The following CDYL2 variants were observed in gnomAD, a reference collection of about 807,000 sequenced individuals.
The protein encoded by CDYL2 is chromodomain Y like 2.
Under a neutral mutation model 49.4 loss-of-function variants are expected in CDYL2, and 23 were observed. That is an observed-to-expected ratio of 0.47 (90% CI 0.34 to 0.66). CDYL2 has a LOEUF of 0.66. CDYL2 is among the 30% of genes least tolerant of loss of function. CDYL2 has a pLI of 0.01. For missense variants in CDYL2, 678 were observed against 656.4 expected (o/e 1.03, Z -0.36); for synonymous variants, 360 against 268.8 (o/e 1.34, Z -3.32).
At chr16:80,642,268 C>A (rs1908130204) in intron 2 of CDYL2, among the ~76,000 whole-genome samples, 1 of 151,998 alleles carries the variant, frequency 6.6e-6, no homozygotes, top group African/African-American at 2.4e-5. Context: ...AGTGATGAAA[C>A]CCCATCTCTA....
At chr16:80,638,145 G>A (rs888418081) in intron 2 of CDYL2, among the ~76,000 whole-genome samples, 1 of 151,962 alleles carries the variant, frequency 6.6e-6, no homozygotes, top group Non-Finnish European at 1.5e-5. Flanking sequence ...TGCTATCACA[G>A]CTCACTGCAG....
Position 80,711,662 on chromosome 16 carries a change from G to C in CDYL2, c.25-26533C>G, listed in dbSNP as rs533056724. 3.3e-5 allele frequency among the ~76,000 whole-genome samples: 5 copies of C among 152,222 alleles called. No homozygotes were observed. In the South Asian group the frequency reaches 6.2e-4, roughly 19 times the overall value. On this transcript the variant is annotated intron_variant, in intron 1 of 6. Coordinates refer to ENST00000570137, the MANE Select transcript of CDYL2 (RefSeq NM_152342.4). ...CCTTCCTTTCATCTTCAGAAATGTA[G>C]GGATAACAGTCTGTCTCCAATGGTT...
chr16:80,781,817 A>G (rs979493157), intron 1 of CDYL2, among the ~76,000 whole-genome samples: 2 of 152,174 alleles, frequency 1.3e-5, no homozygotes, highest in Admixed American at 1.3e-4. Context: ...AAAGAAAAAA[A>G]TCACAAGGTA....
intron 1 of CDYL2, among the ~76,000 whole-genome samples, chr16:80,699,993 G>A (rs1401594462): frequency 2.6e-5 from 4 of 151,532 alleles, no homozygotes; most frequent in Non-Finnish European, 4.4e-5. Flanking sequence ...TCAGCCTCCC[G>A]AGTAGCTGGG....
intron 1 of CDYL2, among the ~76,000 whole-genome samples, chr16:80,707,359 G>T (rs535802503): frequency 6.6e-6 from 1 of 152,200 alleles, no homozygotes; most frequent in East Asian, 1.9e-4. Flanking sequence ...TACTTGGGAG[G>T]CTAATGCAGG....
At chr16:80,739,529 A>C (rs1597108990) in intron 1 of CDYL2, among the ~76,000 whole-genome samples, 1 of 152,222 alleles carries the variant, frequency 6.6e-6, no homozygotes, top group Non-Finnish European at 1.5e-5. Context: ...ACAAAAGATC[A>C]GGAGCTAAGC....
rs528428485 is a variant in CDYL2 at position 80,612,462 on chromosome 16, C to T, written c.1218+164G>A. Among the ~76,000 whole-genome samples, 5 of 152,252 alleles carry T rather than the reference C, an allele frequency of 3.3e-5. No individual in the cohort carries two copies. Among genetic ancestry groups the T allele is most frequent in the South Asian group, 2.1e-4 (1 of 4,826 alleles). On this transcript the variant is annotated intron_variant, in intron 5 of 6. Transcript: ENST00000570137. The surrounding 1 kb of genome is among the most constrained non-coding windows in gnomAD (Gnocchi z 5.0). Reference sequence around the variant, plus strand: ...TGACATCATCGCCATCTTCTCAGGCCGGGCTACTCCATCTGGCACTGAAGG... The same window carrying T: ...TGACATCATCGCCATCTTCTCAGGCTGGGCTACTCCATCTGGCACTGAAGG...
chr16:80,777,322 C>CTACTT (rs1907120311), intron 1 of CDYL2, among the ~76,000 whole-genome samples: 1 of 150,482 alleles, frequency 6.6e-6, no homozygotes, highest in Non-Finnish European at 1.5e-5. Context: ...TTATCTAGTT[C>CTACTT]ATAATTAAAA....
intron 3 of CDYL2, among the ~76,000 whole-genome samples, chr16:80,623,743 G>A (rs147458027): frequency 2.6e-4 from 39 of 152,312 alleles, no homozygotes; most frequent in African/African-American, 9.1e-4. Flanking sequence ...AAGTTTGCAA[G>A]TATGGGGTGG....
At chr16:80,686,864 A>G (rs760158255) in intron 1 of CDYL2, among the ~76,000 whole-genome samples, 3 of 152,238 alleles carry the variant, frequency 2.0e-5, no homozygotes, top group Non-Finnish European at 4.4e-5. Context: ...CAAACTGGCT[A>G]TCAAAATTTG....
At chr16:80,712,529 C>A (rs377465453) in intron 1 of CDYL2, among the ~76,000 whole-genome samples, 3 of 152,004 alleles carry the variant, frequency 2.0e-5, no homozygotes, top group Non-Finnish European at 4.4e-5. Flanking sequence ...CAAAAATGAG[C>A]CCAAACCCAG....
chr16:80,738,743 C>T (rs973877274), intron 1 of CDYL2: 1 of 152,174 alleles, frequency 6.6e-6, no homozygotes, highest in African/African-American at 2.4e-5. Flanking sequence ...TGTACACTTT[C>T]AATTGGTGAG....
intron 1 of CDYL2, among the ~76,000 whole-genome samples, chr16:80,709,086 T>C (rs1036330462): frequency 2.0e-5 from 3 of 152,124 alleles, no homozygotes; most frequent in Non-Finnish European, 4.4e-5. Context: ...TTCTCCTGTT[T>C]TGAAAATACA....
At chr16:80,724,804 T>C (rs1905113182) in intron 1 of CDYL2, among the ~76,000 whole-genome samples, 1 of 152,196 alleles carries the variant, frequency 6.6e-6, no homozygotes, top group Non-Finnish European at 1.5e-5. Flanking sequence ...ACCAAACCTC[T>C]CACCCAGACC....
At chr16:80,636,462 C>A (rs1907828592) in intron 2 of CDYL2, among the ~76,000 whole-genome samples, 1 of 152,194 alleles carries the variant, frequency 6.6e-6, no homozygotes, top group Non-Finnish European at 1.5e-5. Flanking sequence ...AAAAGCTCAT[C>A]ATCACCGGTC....
chr16:80,697,008 TA>T (rs112835889), intron 1 of CDYL2, among the ~76,000 whole-genome samples: 8 of 148,704 alleles, frequency 5.4e-5, no homozygotes, highest in African/African-American at 7.4e-5. Flanking sequence ...ATTTTGTTTC[TA>T]AAAAAAAAAT....
intron 1 of CDYL2, among the ~76,000 whole-genome samples, chr16:80,728,825 C>G (rs1336576583): frequency 6.6e-6 from 1 of 151,620 alleles, no homozygotes; most frequent in African/African-American, 2.4e-5. Context: ...GAATTTTCAA[C>G]CCAGAATTTC....
At chr16:80,759,542 C>A (rs190387332) in intron 1 of CDYL2, among the ~76,000 whole-genome samples, 182 of 152,122 alleles carry the variant, frequency 1.2e-3, no homozygotes, top group African/African-American at 4.3e-3. Flanking sequence ...AATCAGTGGG[C>A]AGGAAAAGTT....
intron 1 of CDYL2, among the ~76,000 whole-genome samples, chr16:80,722,950 G>C (rs540420344): frequency 7.9e-5 from 12 of 152,360 alleles, no homozygotes; most frequent in African/African-American, 2.6e-4. Flanking sequence ...TTGGCCCTTA[G>C]AGGGCAAGGA....
Sources: gnomAD v4.1 joint callset for allele counts (sites outside exome capture counted in the v4.1 genomes callset) on GRCh38, gnomAD v4.1.1 for gene constraint, Gnocchi (gnomAD v3.1) non-coding constraint, MANE v1.5 for transcripts, NCBI Gene and HGNC (gene_info 2026-07-23, HGNC 2026-07-21) for gene names.